ZFHX2: variants seen among roughly 807,000 people sequenced by gnomAD.
The protein encoded by ZFHX2 is zinc finger homeobox protein 2.
Under a neutral mutation model 164.8 loss-of-function variants are expected in ZFHX2, and 75 were observed. The ratio of observed to expected loss-of-function variants is 0.46; its 90% confidence interval spans 0.38 to 0.55. The LOEUF (loss-of-function observed/expected upper bound fraction) is 0.55, where lower values mean the gene tolerates loss of function less well. ZFHX2 is among the 20% of genes least tolerant of loss of function. The pLI, the probability that ZFHX2 is intolerant of heterozygous loss-of-function variation, is 0.00. For missense variants in ZFHX2, 2,933 were observed against 3,308.0 expected, an observed-to-expected ratio of 0.89 and a Z score of 2.78; for synonymous variants, 1,217 against 1,351.4, an observed-to-expected ratio of 0.90 and a Z score of 2.18.
intron 1 of ZFHX2, among the ~76,000 whole-genome samples, chr14:23,536,610 C>T (rs1880169873): frequency 1.3e-5 from 2 of 152,138 alleles, no homozygotes; most frequent in Non-Finnish European, 2.9e-5. Flanking sequence ...ATGTTAAATG[C>T]TTTATGTTAA....
Position 23,527,563 on chromosome 14 carries a change from A to G in ZFHX2, c.3135+41T>C, listed in dbSNP as rs8016202. On this transcript the variant is annotated intron_variant, in intron 7 of 9. Coordinates refer to ENST00000419474, the MANE Select transcript of ZFHX2 (RefSeq NM_033400.3). ...CTTCCTCCCCTCCTGCACAGCCCTA[A>G]TAAGGTCTTGTTGTACCGTCCTCAC... The G allele has an allele frequency of 0.19, 289,516 of 1,534,758 alleles. 30,067 individuals carry two copies. The highest frequency in any genetic ancestry group is 0.39 in the African/African-American group (28,438 of 72,960).
At chr14:23,541,996 C>T (rs953337906) in intron 1 of ZFHX2, among the ~76,000 whole-genome samples, 2 of 151,954 alleles carry the variant, frequency 1.3e-5, no homozygotes, top group Non-Finnish European at 2.9e-5. Context: ...ACGAGTATGG[C>T]AGGGAATGAG....
At position 23,521,801 on chromosome 14, in the gene ZFHX2, A is replaced by G; in HGVS notation, c.*161T>C. 3 of 1,266,576 alleles carry G rather than the reference A, an allele frequency of 2.4e-6. No individual in the cohort carries two copies. 78.5% of individuals were successfully genotyped at this position (1,266,576 alleles called of 1,614,324 possible). On this transcript the variant is annotated 3_prime_UTR_variant, in exon 10 of 10. Coordinates refer to ENST00000419474, the MANE Select transcript of ZFHX2 (RefSeq NM_033400.3). ...TGGGAGGAGGCAGGACTCTGCTGGAAGTGGGGTGTGTGGTGCCCACTGAGG... is the reference window on the plus strand; with the variant it reads ...TGGGAGGAGGCAGGACTCTGCTGGAGGTGGGGTGTGTGGTGCCCACTGAGG...
upstream of ZFHX2, among the ~76,000 whole-genome samples, chr14:23,555,456 C>G (rs998642838): frequency 6.6e-6 from 1 of 152,202 alleles, no homozygotes; most frequent in Admixed American, 6.5e-5. Flanking sequence ...CAGGTGCTCT[C>G]CAGTTTCTGG....
chr14:23,526,985 A>G lies in ZFHX2; in HGVS notation c.3136-12T>C. On this transcript the variant is annotated splice_polypyrimidine_tract_variant and intron_variant, in intron 7 of 9. Transcript: ENST00000419474. Reference sequence around the variant, plus strand: ...TCTACAGTTGTAGCCTGCAATGAGAAAAAGCCTAGTGGCTTCACCACCACC... The same window carrying G: ...TCTACAGTTGTAGCCTGCAATGAGAGAAAGCCTAGTGGCTTCACCACCACC... 6.7e-7 allele frequency: 1 copy of G among 1,498,046 alleles called. No homozygotes were observed. The highest frequency in any genetic ancestry group is 8.9e-7 in the Non-Finnish European group (1 of 1,129,224). The allele number at this position is 1,498,046 out of a possible 1,614,324, so 92.8% of individuals were successfully genotyped here. A position where few individuals can be genotyped will look rare whatever the true frequency, so the allele number is the denominator to read the frequency against.
chr14:23,531,467 C>A lies in ZFHX2; in HGVS notation c.2800+14G>T. 7.1e-7 allele frequency: 1 copy of A among 1,400,370 alleles called. No homozygotes were observed. Among genetic ancestry groups the A allele is most frequent in the South Asian group, 1.6e-5 (1 of 63,274 alleles). The allele number at this position is 1,400,370 out of a possible 1,614,324, so 86.7% of individuals were successfully genotyped here. On this transcript the variant is annotated intron_variant, in intron 4 of 9. Transcript: ENST00000419474. The stretch of plus-strand genomic sequence containing the variant: ...CCCTGCCCAGCTCTTATTCTCCAGT[C>A]CCTTCTTCCTCACCGGGAGTCCGGA...
In ZFHX2 at chr14:23,522,361, A is replaced by G. The variant is rs1234609117; in HGVS notation, c.7320T>C (p.Thr2440=). 2.0e-6 allele frequency: 3 copies of G among 1,536,048 alleles called. No individual in the cohort carries two copies. The highest frequency in any genetic ancestry group is 2.6e-6 in the Non-Finnish European group (3 of 1,146,828). Residue 2440 remains threonine (T), a synonymous_variant, in exon 10 of 10, where the codon ACT becomes ACC. Coordinates refer to ENST00000419474, the MANE Select transcript of ZFHX2 (RefSeq NM_033400.3). The part of the protein sequence containing the change: ...GEVDELLTGS[T]GISTVDVTHR... ...GGGTTACATCCACGGTGGAGATGCCAGTGCTGCCTGTCAGCAGCTCATCAA... is the reference window on the plus strand; with the variant it reads ...GGGTTACATCCACGGTGGAGATGCCGGTGCTGCCTGTCAGCAGCTCATCAA...
chr14:23,552,550 C>G (rs1420588428), upstream of ZFHX2, among the ~76,000 whole-genome samples: 1 of 152,066 alleles, frequency 6.6e-6, no homozygotes, highest in Non-Finnish European at 1.5e-5. Context: ...CTCGGCCTCC[C>G]AAAGTGCTGG....
chr14:23,537,652 G>A (rs532364369), intron 1 of ZFHX2, among the ~76,000 whole-genome samples: 2 of 152,250 alleles, frequency 1.3e-5, no homozygotes, highest in South Asian at 2.1e-4. Flanking sequence ...TGGGGAGGTC[G>A]GGGGAGTTGG....
At chr14:23,530,025 T>C (rs1879324555) in intron 5 of ZFHX2, 95 bp downstream of exon 5, 3 of 1,280,852 alleles carry the variant, frequency 2.3e-6, no homozygotes, top group Non-Finnish European at 3.3e-6. Context: ...GTTTTGCTCC[T>C]TGAGCACAGA....
intron 1 of ZFHX2, among the ~76,000 whole-genome samples, chr14:23,540,645 A>G (rs962789379): frequency 6.6e-6 from 1 of 152,250 alleles, no homozygotes; most frequent in Admixed American, 6.5e-5. Context: ...GCCAGGTTCA[A>G]TCCTTGCTCC....
In ZFHX2 at chr14:23,531,534, A is replaced by C; in HGVS notation, c.2747T>G (p.Leu916Arg). 6.6e-7 allele frequency: 1 copy of C among 1,511,716 alleles called. No individual in the cohort carries two copies. Among genetic ancestry groups the C allele is most frequent in the Non-Finnish European group, 8.8e-7 (1 of 1,131,834 alleles). 93.6% of individuals were successfully genotyped at this position (1,511,716 alleles called of 1,614,324 possible). A position where few individuals can be genotyped will look rare whatever the true frequency, so the allele number is the denominator to read the frequency against. ...GCTCAGGATGCTCTGAAGAGCTGCGAGTCCTTCCTCAGTGGTTGGGCCATT... is the reference window on the plus strand; with the variant it reads ...GCTCAGGATGCTCTGAAGAGCTGCGCGTCCTTCCTCAGTGGTTGGGCCATT... ...LQNGPTTEEG[L>R]AALQSILSFS... is the part of the protein sequence containing the mutation. Residue 916 changes from leucine (L) to arginine (R), a missense_variant, in exon 4 of 10, where the codon CTC (leucine) becomes CGC (arginine). Coordinates refer to ENST00000419474, the MANE Select transcript of ZFHX2 (RefSeq NM_033400.3).
chr14:23,533,436 T>C lies in ZFHX2; in HGVS notation c.1890A>G (p.Glu630=), dbSNP rs1264723162. Residue 630 remains glutamate, a synonymous_variant, in exon 2 of 10, where the codon GAA becomes GAG. Coordinates refer to ENST00000419474, the MANE Select transcript of ZFHX2 (RefSeq NM_033400.3). The surrounding 1 kb of genome is among the most constrained non-coding windows in gnomAD (Gnocchi z 4.8). ...CCTGGGGCCCAAAGTACTGGAAGAG[T>C]TCAGGGGGGCTAGTGGGGGTAGCCC... ...PPGATPTSPP[E]LFQYFGPQAL... is the part of the protein sequence containing the mutation. 6.5e-7 allele frequency: 1 copy of C among 1,529,622 alleles called. No homozygotes were observed. The highest frequency in any genetic ancestry group is 1.2e-5 in the South Asian group (1 of 83,368). 94.8% of individuals were successfully genotyped at this position (1,529,622 alleles called of 1,614,324 possible).
chr14:23,532,506 C>T (rs970743046), intron 3 of ZFHX2, 61 bp downstream of exon 3: 2 of 1,409,148 alleles, frequency 1.4e-6, no homozygotes, highest in African/African-American at 1.4e-5. Context: ...TATTCTGCAT[C>T]TCCTCCCTCT....
intron 6 of ZFHX2, among the ~76,000 whole-genome samples, chr14:23,529,130 A>G (rs1296260487): frequency 6.6e-6 from 1 of 152,244 alleles, no homozygotes; most frequent in Non-Finnish European, 1.5e-5. Context: ...ACAGGATGGC[A>G]TCTCAAACCA....
At chr14:23,540,653 T>C (rs1359070147) in intron 1 of ZFHX2, among the ~76,000 whole-genome samples, 3 of 152,238 alleles carry the variant, frequency 2.0e-5, no homozygotes, top group Admixed American at 2.0e-4. Context: ...CAATCCTTGC[T>C]CCATCACTCA....
rs1445811973 is a variant in ZFHX2 at position 23,546,349 on chromosome 14, G to A, written c.-50+4994C>T. ...GCTCCTGTTCTCTCATTAGACTTTG[G>A]GGTAAAAAATGCTGAGGGGTGCTGA... On this transcript the variant is annotated intron_variant, in intron 1 of 9. Coordinates refer to ENST00000419474, the MANE Select transcript of ZFHX2 (RefSeq NM_033400.3). This position sits in a 1 kb window ranked among gnomAD's most constrained non-coding sequence, Gnocchi z 4.7. Among the ~76,000 whole-genome samples, 1 of 152,128 alleles carries A rather than the reference G, an allele frequency of 6.6e-6. No individual in the cohort carries two copies. The highest frequency in any genetic ancestry group is 1.5e-5 in the Non-Finnish European group (1 of 68,026).
Position 23,532,993 on chromosome 14 carries a change from G to A in ZFHX2, c.2133C>T (p.Asp711=), listed in dbSNP as rs191819708. The A allele has an allele frequency of 6.2e-4, 960 of 1,536,208 alleles. 1 individual carries two copies. Among genetic ancestry groups the A allele is most frequent in the African/African-American group, 2.2e-3 (160 of 73,168 alleles). The change falls in exon 3 of 10, where the codon GAC becomes GAT. Residue 711 remains aspartate (D), a synonymous_variant. Coordinates refer to ENST00000419474, the MANE Select transcript of ZFHX2 (RefSeq NM_033400.3). ...SDSLPTSPPP[D]DSLSLKVFRC... ...GGAACACCTTCAGGGACAGGCTGTC[G>A]TCTGGGGGTGGTGAGGTGGGCAGGC...
intron 6 of ZFHX2, among the ~76,000 whole-genome samples, chr14:23,528,980 T>C (rs1879162069): frequency 1.3e-5 from 2 of 152,244 alleles, no homozygotes; most frequent in Non-Finnish European, 2.9e-5. Flanking sequence ...GGAAGAGGTC[T>C]GTTGGCGGGA....
Sources: gnomAD v4.1 joint callset for allele counts (sites outside exome capture counted in the v4.1 genomes callset) on GRCh38, gnomAD v4.1.1 for gene constraint, Gnocchi (gnomAD v3.1) non-coding constraint, MANE v1.5 for transcripts, NCBI Gene and HGNC (gene_info 2026-07-23, HGNC 2026-07-21) for gene names.